SORCS2: variants seen among roughly 807,000 people sequenced by gnomAD.
SORCS2 encodes VPS10 domain-containing receptor SorCS2.
A neutral mutation model predicts 141.6 loss-of-function variants in SORCS2; 100 were observed. The ratio of observed to expected loss-of-function variants is 0.71; its 90% confidence interval spans 0.60 to 0.83. SORCS2 has a LOEUF of 0.83. Ranked by LOEUF, SORCS2 falls within the 40% of genes least tolerant of loss-of-function variation. The pLI is 0.00. For synonymous variants in SORCS2, 789 were observed against 676.9 expected (o/e 1.17, Z -2.57); for missense variants, 1,646 against 1,560.2 (o/e 1.05, Z -0.93).
At chr4:7,640,098 T>C (rs746288896) in intron 4 of SORCS2, among the ~76,000 whole-genome samples, 19 of 151,606 alleles carry the variant, frequency 1.3e-4, no homozygotes, top group Admixed American at 6.6e-5. Flanking sequence ...AGTGTGTGCT[T>C]GTAGGTGTGT....
At chr4:7,225,740 T>C (rs1278033910) in intron 1 of SORCS2, among the ~76,000 whole-genome samples, 3 of 152,082 alleles carry the variant, frequency 2.0e-5, no homozygotes, top group Non-Finnish European at 2.9e-5. Context: ...CATCTCTCTC[T>C]CTCCTCTTGT....
chr4:7,649,488 A>G (rs1721301031), intron 4 of SORCS2, among the ~76,000 whole-genome samples: 1 of 152,034 alleles, frequency 6.6e-6, no homozygotes, highest in Non-Finnish European at 1.5e-5. Flanking sequence ...GCAGGGGTCC[A>G]CGGAGATGGT....
At chr4:7,522,093 A>G (rs148033661) in intron 2 of SORCS2, among the ~76,000 whole-genome samples, 69 of 152,286 alleles carry the variant, frequency 4.5e-4, no homozygotes, top group Non-Finnish European at 8.7e-4. Flanking sequence ...CTTTGTTCAG[A>G]TAGAAAAAAA....
intron 1 of SORCS2, among the ~76,000 whole-genome samples, chr4:7,374,198 T>TCTTTCTTTCTTTCTTTCTTTC (rs1722483753): frequency 6.7e-6 from 1 of 149,618 alleles, no homozygotes; most frequent in Non-Finnish European, 1.5e-5. Context: ...TTTCTTTCTT[T>TCTTTCTTTCTTTCTTTCTTTC]TTTGCAGAGA....
At chr4:7,311,741 C>T (rs1452521061) in intron 1 of SORCS2, among the ~76,000 whole-genome samples, 2 of 152,104 alleles carry the variant, frequency 1.3e-5, no homozygotes, top group Non-Finnish European at 2.9e-5. Flanking sequence ...AAAGAGTTTG[C>T]TTTTGTCATG....
chr4:7,662,910 G>T (rs1359788830), intron 6 of SORCS2, among the ~76,000 whole-genome samples: 2 of 152,252 alleles, frequency 1.3e-5, no homozygotes, highest in Non-Finnish European at 2.9e-5. Flanking sequence ...AACACTGAGA[G>T]CCTGACCATG....
chr4:7,207,559 TG>T (rs756928998), intron 1 of SORCS2, among the ~76,000 whole-genome samples: 1 of 152,176 alleles, frequency 6.6e-6, no homozygotes, highest in Non-Finnish European at 1.5e-5. Flanking sequence ...TCATCTGCAC[TG>T]GGGCTGGCAG....
chr4:7,550,513 T>C (rs1400139422), intron 3 of SORCS2, among the ~76,000 whole-genome samples: 6 of 152,300 alleles, frequency 3.9e-5, no homozygotes, highest in Non-Finnish European at 7.4e-5. Flanking sequence ...AGAAAGGGGT[T>C]TTCTTGGAAA....
chr4:7,453,912 C>CTG (rs1230513722), intron 2 of SORCS2, among the ~76,000 whole-genome samples: 3 of 116,244 alleles, frequency 2.6e-5, no homozygotes, highest in Admixed American at 1.9e-4. Flanking sequence ...GGTTCAGGTG[C>CTG]TGTGTTGGGG....
rs550444532 is a variant in SORCS2, at chr4:7,415,399, C to A, written c.548+19044C>A. Among the ~76,000 whole-genome samples, 239 of 152,350 alleles carry A rather than the reference C, an allele frequency of 1.6e-3. 2 individuals are homozygous for A. Among genetic ancestry groups the A allele is most frequent in the Non-Finnish European group, 6.5e-4 (44 of 68,032 alleles). Reference sequence around the variant, plus strand: ...GGCTGCCTGCCATCCGTGGCTCAGGCCTTCCCTCCCAAGCCAGCAGCGTCA... The same window carrying A: ...GGCTGCCTGCCATCCGTGGCTCAGGACTTCCCTCCCAAGCCAGCAGCGTCA... On this transcript the variant is annotated intron_variant, in intron 2 of 26. Coordinates refer to ENST00000507866, the MANE Select transcript of SORCS2 (RefSeq NM_020777.3).
At chr4:7,575,982 T>A (rs1223274043) in intron 3 of SORCS2, among the ~76,000 whole-genome samples, 2 of 152,216 alleles carry the variant, frequency 1.3e-5, no homozygotes, top group African/African-American at 4.8e-5. Flanking sequence ...GTCGGTTGAT[T>A]CTTGAATTGA....
At chr4:7,216,343 G>A (rs1728351622) in intron 1 of SORCS2, among the ~76,000 whole-genome samples, 2 of 152,212 alleles carry the variant, frequency 1.3e-5, no homozygotes. Context: ...TTCAGTGGTA[G>A]ACGTAGGGGT....
At chr4:7,632,806 G>C (rs540960668) in intron 3 of SORCS2, among the ~76,000 whole-genome samples, 1 of 152,162 alleles carries the variant, frequency 6.6e-6, no homozygotes, top group South Asian at 2.1e-4. Flanking sequence ...AGCAGAAGCA[G>C]ACCCACCAAG....
chr4:7,310,891 A>G (rs890542258), intron 1 of SORCS2, among the ~76,000 whole-genome samples: 1 of 152,230 alleles, frequency 6.6e-6, no homozygotes, highest in Non-Finnish European at 1.5e-5. Flanking sequence ...AGAACAACAT[A>G]CCAGCTTTCT....
At chr4:7,416,306 G>A (rs529251321) in intron 2 of SORCS2, among the ~76,000 whole-genome samples, 14 of 152,272 alleles carry the variant, frequency 9.2e-5, no homozygotes, top group South Asian at 2.1e-4. Context: ...CAAAGGAGGC[G>A]TGGTATTCAA....
intron 3 of SORCS2, among the ~76,000 whole-genome samples, chr4:7,601,847 G>T (rs1347658130): frequency 6.6e-6 from 1 of 152,216 alleles, no homozygotes; most frequent in African/African-American, 2.4e-5. Context: ...CCCTGAGTAT[G>T]TGAGATTAGG....
chr4:7,439,628 C>T (rs1160634169), intron 2 of SORCS2, among the ~76,000 whole-genome samples: 1 of 152,166 alleles, frequency 6.6e-6, no homozygotes, highest in Non-Finnish European at 1.5e-5. Context: ...TCTTGAACCT[C>T]GCATTGGTGG....
chr4:7,530,269 T>C (rs1396340129), intron 2 of SORCS2, among the ~76,000 whole-genome samples: 1 of 152,230 alleles, frequency 6.6e-6, no homozygotes. Context: ...TGAGAAGCAC[T>C]GGCCCCACAG....
At chr4:7,295,428 A>G (rs1716978876) in intron 1 of SORCS2, among the ~76,000 whole-genome samples, 1 of 151,820 alleles carries the variant, frequency 6.6e-6, no homozygotes, top group Non-Finnish European at 1.5e-5. Context: ...AGGGATGAAG[A>G]GCCCCTGGCT....
Sources: allele counts gnomAD v4.1 joint callset (sites outside exome capture counted in the v4.1 genomes callset), GRCh38; gene constraint gnomAD v4.1.1; transcripts MANE v1.5; gene names NCBI Gene and HGNC (gene_info 2026-07-23, HGNC 2026-07-21).